The following SHCBP1 variants were observed in gnomAD, a reference collection of about 807,000 sequenced individuals.
SHCBP1 encodes the protein SHC binding and spindle associated 1.
SHCBP1 carries 60 observed loss-of-function variants against 75.1 expected under a neutral mutation model. The ratio of observed to expected loss-of-function variants is 0.80; its 90% CI spans 0.65 to 0.99. The LOEUF is 0.99. Among genes scored for constraint, SHCBP1 ranks in the 50% least tolerant of loss-of-function variants. The probability of loss-of-function intolerance (pLI) is 0.00; values close to 1 mark genes in which losing one functional copy is unlikely to be tolerated. For missense variants in SHCBP1, 709 were observed against 809.4 expected (o/e 0.88, Z 1.50); for synonymous variants, 290 against 293.2 (o/e 0.99, Z 0.11).
rs901571385 is a variant in SHCBP1 at position 46,579,092 on chromosome 16, T to C, written c.*2637A>G. 2.0e-4 allele frequency among the ~76,000 whole-genome samples: 31 copies of C among 152,290 alleles called. No individual in the cohort carries two copies. The highest frequency in any genetic ancestry group is 6.3e-4 in the African/African-American group (26 of 41,558). On this transcript the variant is annotated 3_prime_UTR_variant, in exon 13 of 13. Coordinates refer to ENST00000303383, the MANE Select transcript of SHCBP1 (RefSeq NM_024745.5). ...CAAGAAACTGAAGAAGGGAAATACA[T>C]CTAAAGAAGCTAAAATAAAATACTC...
rs1965505174 is a variant in SHCBP1 at position 46,616,722 on chromosome 16, A to G, written c.388-568T>C. 6.6e-6 allele frequency among the ~76,000 whole-genome samples: 1 copy of G among 152,218 alleles called. No homozygotes were observed. Among genetic ancestry groups the G allele is most frequent in the Non-Finnish European group, 1.5e-5 (1 of 68,044 alleles). On this transcript the variant is annotated intron_variant, in intron 3 of 12. Transcript: ENST00000303383. The surrounding 1 kb of genome is among the most constrained non-coding windows in gnomAD (Gnocchi z 4.4). ...ATAAAGCCAACACTAAGCCCTTGGT[A>G]AAGACAATATCTTAGGAGTTTTAAG...
chr16:46,608,182 A>AGAGT (rs954296833), intron 5 of SHCBP1, 115 bp downstream of exon 5: 5 of 641,034 alleles, frequency 7.8e-6, no homozygotes, highest in South Asian at 5.8e-5. Context: ...TCAGAGAGAG[A>AGAGT]GAGTGAGTGA....
At chr16:46,582,139 A>G in intron 12 of SHCBP1, 85 bp from the exon 13 acceptor site, 2 of 1,391,124 alleles carry the variant, frequency 1.4e-6, no homozygotes, top group Non-Finnish European at 1.9e-6. Flanking sequence ...CTTCTCAACA[A>G]GCAGCTGCCT....
chr16:46,613,379 A>T (rs1965449141), intron 4 of SHCBP1, among the ~76,000 whole-genome samples: 1 of 152,218 alleles, frequency 6.6e-6, no homozygotes, highest in Non-Finnish European at 1.5e-5. Context: ...CCCAAGAATA[A>T]AAATCCTTCA....
At chr16:46,609,536 C>T (rs893702426) in intron 4 of SHCBP1, among the ~76,000 whole-genome samples, 6 of 132,764 alleles carry the variant, frequency 4.5e-5, no homozygotes, top group African/African-American at 1.7e-4. Flanking sequence ...ACTGCAACCT[C>T]TGCCTCCTGG....
intron 5 of SHCBP1, among the ~76,000 whole-genome samples, chr16:46,604,754 C>T (rs906059668): frequency 1.3e-5 from 2 of 152,094 alleles, no homozygotes; most frequent in African/African-American, 4.8e-5. Context: ...TCAGGTTACA[C>T]AATTTTATTA....
chr16:46,603,843 G>A, intron 7 of SHCBP1, 132 bp downstream of exon 7: 2 of 1,299,204 alleles, frequency 1.5e-6, no homozygotes, highest in Middle Eastern at 2.0e-4. Context: ...ATGAAAGGCA[G>A]GGCTCTCACT....
Position 46,578,798 on chromosome 16 carries a change from C to T in SHCBP1, c.*2931G>A, listed in dbSNP as rs1160920617. 6.6e-6 allele frequency among the ~76,000 whole-genome samples: 1 copy of T among 152,070 alleles called. No individual in the cohort carries two copies. The highest frequency in any genetic ancestry group is 2.4e-5 in the African/African-American group (1 of 41,388). On this transcript the variant is annotated 3_prime_UTR_variant, in exon 13 of 13. Coordinates refer to ENST00000303383, the MANE Select transcript of SHCBP1 (RefSeq NM_024745.5). ...TATTTCAACTTAATTTCCATAGAAG[C>T]CTGTGGAATGTACTTCCTAGAAAGG...
chr16:46,603,822 G>A, intron 7 of SHCBP1, 153 bp downstream of exon 7: 1 of 1,249,188 alleles, frequency 8.0e-7, no homozygotes, highest in Non-Finnish European at 1.1e-6. Flanking sequence ...CCTGGTAAGT[G>A]ACTACTGCTG....
chr16:46,603,332 C>T (rs1209567574), intron 8 of SHCBP1, among the ~76,000 whole-genome samples: 1 of 152,130 alleles, frequency 6.6e-6, no homozygotes. Context: ...CCCCAACATA[C>T]ACACTGCTAC....
chr16:46,582,577 G>C (rs1964890448), intron 12 of SHCBP1, among the ~76,000 whole-genome samples: 1 of 152,224 alleles, frequency 6.6e-6, no homozygotes, highest in Non-Finnish European at 1.5e-5. Flanking sequence ...AAGAACCTGA[G>C]AGCAGCCTCT....
chr16:46,605,964 G>GA (rs11389997), intron 5 of SHCBP1, among the ~76,000 whole-genome samples: 146,203 of 148,604 alleles, frequency 0.98, 71,947 homozygotes, highest in Non-Finnish European at 1. Context: ...GAACAGCTGT[G>GA]AAAAAAAAAG....
chr16:46,585,178 C>T (rs760822030), intron 10 of SHCBP1, among the ~76,000 whole-genome samples: 1 of 152,022 alleles, frequency 6.6e-6, no homozygotes. Flanking sequence ...TAAAGGAGAA[C>T]AATTTAAACC....
rs2142997231 is a variant in SHCBP1 at position 46,583,666 on chromosome 16, T to C, written c.1552-9A>G. 4 of 1,596,574 alleles carry C rather than the reference T, an allele frequency of 2.5e-6. No individual in the cohort carries two copies. The highest frequency in any genetic ancestry group is 2.2e-5 in the East Asian group (1 of 44,756). ...TGTTCATCTAAGAAGTCCTGTGACA[T>C]TGAAAACAAATGTTTTAGGAACTGT... On this transcript the variant is annotated splice_polypyrimidine_tract_variant and intron_variant, in intron 11 of 12. Transcript: ENST00000303383.
chr16:46,578,683 CAT>C lies in SHCBP1; in HGVS notation c.*3044_*3045del, dbSNP rs1365503947. On this transcript the variant is annotated 3_prime_UTR_variant, in exon 13 of 13. Coordinates refer to ENST00000303383, the MANE Select transcript of SHCBP1 (RefSeq NM_024745.5). Reference sequence around the variant, plus strand: ...CACATATAAGACTTTAAAACATATACATATATATATTTAATCACAGAATAAAA... The same window carrying C: ...CACATATAAGACTTTAAAACATATACATATATATTTAATCACAGAATAAAA... Among the ~76,000 whole-genome samples the C allele has an allele frequency of 2.0e-5, 3 of 151,882 alleles. No homozygotes were observed. Among genetic ancestry groups the C allele is most frequent in the Middle Eastern group, 3.2e-3 (1 of 314 alleles).
intron 10 of SHCBP1, among the ~76,000 whole-genome samples, chr16:46,587,779 C>T (rs184291498): frequency 1.6e-4 from 24 of 151,990 alleles, no homozygotes; most frequent in Admixed American, 5.3e-4. Context: ...AACAAGGATA[C>T]CCAGGAATTG....
At chr16:46,598,614 T>A (rs1259861557) in intron 9 of SHCBP1, among the ~76,000 whole-genome samples, 1 of 152,154 alleles carries the variant, frequency 6.6e-6, no homozygotes, top group Non-Finnish European at 1.5e-5. Flanking sequence ...GCTCTAGGAT[T>A]TTCAGAATGG....
Position 46,616,822 on chromosome 16 carries a change from T to C in SHCBP1, c.388-668A>G, listed in dbSNP as rs77115413. ...GGAGAACTGATTGGCGGGGGGGCAC[T>C]TATCATAACCAAATGAATAGGCCTG... On this transcript the variant is annotated intron_variant, in intron 3 of 12. Transcript: ENST00000303383. The surrounding 1 kb of genome is among the most constrained non-coding windows in gnomAD (Gnocchi z 4.4). Among the ~76,000 whole-genome samples, 1,782 of 152,286 alleles carry C rather than the reference T, an allele frequency of 0.012. 23 individuals carry two copies. Among genetic ancestry groups the C allele is most frequent in the Non-Finnish European group, 0.019 (1,323 of 68,026 alleles).
intron 4 of SHCBP1, among the ~76,000 whole-genome samples, chr16:46,611,942 T>C (rs1449276934): frequency 6.6e-6 from 1 of 152,228 alleles, no homozygotes; most frequent in Non-Finnish European, 1.5e-5. Context: ...ACTTTCTTCA[T>C]GTATTGGTTG....
Sources: allele counts gnomAD v4.1 joint callset (sites outside exome capture counted in the v4.1 genomes callset), GRCh38; gene constraint gnomAD v4.1.1; non-coding constraint Gnocchi (gnomAD v3.1); transcripts MANE v1.5; gene names NCBI Gene and HGNC (gene_info 2026-07-23, HGNC 2026-07-21).